The following AK9 variants were observed in gnomAD, a reference collection of about 807,000 sequenced individuals.
AK9 encodes adenylate kinase domain containing 1.
AK9 carries 191 observed loss-of-function variants against 239.6 expected under a neutral mutation model. The ratio of observed to expected loss-of-function variants is 0.80; its 90% CI spans 0.71 to 0.90. AK9 has a LOEUF of 0.90. Ranked by LOEUF, AK9 falls within the 40% of genes least tolerant of loss-of-function variation. AK9 has a pLI of 0.00. For missense variants in AK9, 1,995 were observed against 2,214.7 expected, an observed-to-expected ratio of 0.90 and a Z score of 1.99; for synonymous variants, 689 against 721.0, an observed-to-expected ratio of 0.96 and a Z score of 0.71.
chr6:109,495,414 T>TTC lies in AK9; in HGVS notation c.5340_5341dup (p.Lys1781ArgfsTer10), dbSNP rs1201247780. 4 of 1,613,540 alleles carry TTC rather than the reference T, an allele frequency of 2.5e-6. No individual in the cohort carries two copies. The African/African-American group carries it at 5.3e-5, about 22-fold the overall frequency. The stretch of plus-strand genomic sequence containing the variant: ...TAATGGGGGAAGCTTGTGTGGAAGC[T>TTC]TCTGTTCCCAGTATTTCAGTGGCGA... On this transcript the variant is annotated frameshift_variant, in exon 39 of 41. Coordinates refer to ENST00000424296, the MANE Select transcript of AK9 (RefSeq NM_001145128.3). LOFTEE classifies it high-confidence loss of function.
chr6:109,634,272 C>T (rs1311908378), intron 10 of AK9, among the ~76,000 whole-genome samples: 1 of 152,200 alleles, frequency 6.6e-6, no homozygotes, highest in Non-Finnish European at 1.5e-5. Context: ...CTCTTGCACT[C>T]TTTTGTTCTT....
chr6:109,504,452 C>A (rs1582744450), intron 35 of AK9, among the ~76,000 whole-genome samples: 2 of 152,114 alleles, frequency 1.3e-5, no homozygotes, highest in Non-Finnish European at 2.9e-5. Flanking sequence ...TATGAGTATA[C>A]CCTATGCAAT....
chr6:109,584,548 A>G (rs1455701772), intron 19 of AK9, among the ~76,000 whole-genome samples: 1 of 152,146 alleles, frequency 6.6e-6, no homozygotes, highest in East Asian at 1.9e-4. Flanking sequence ...TTCAATCTGA[A>G]GGACTTATAG....
At position 109,644,598 on chromosome 6, in the gene AK9, T is replaced by C; in HGVS notation, c.834+16A>G. ...TTTCCATGCTGTGAAGTATTCCTGC[T>C]TAACACTGCACTCACCATAAAGAGC... is the stretch of plus-strand genomic sequence containing the variant. On this transcript the variant is annotated intron_variant, in intron 9 of 40. Transcript: ENST00000424296. 2 of 1,589,808 alleles carry C rather than the reference T, an allele frequency of 1.3e-6. No individual in the cohort carries two copies. Among genetic ancestry groups the C allele is most frequent in the Non-Finnish European group, 1.7e-6 (2 of 1,170,062 alleles).
intron 17 of AK9, among the ~76,000 whole-genome samples, chr6:109,608,182 G>A (rs1308766944): frequency 6.6e-6 from 1 of 151,802 alleles, no homozygotes; most frequent in African/African-American, 2.4e-5. Flanking sequence ...AGGAGTCTGA[G>A]GCAAGAGAAT....
chr6:109,578,034 T>C (rs1219488433), intron 20 of AK9, among the ~76,000 whole-genome samples: 2 of 151,668 alleles, frequency 1.3e-5, no homozygotes, highest in East Asian at 3.9e-4. Flanking sequence ...CAGGTTCAAG[T>C]GATTCTCCTG....
chr6:109,546,237 G>T, intron 25 of AK9, 110 bp from the exon 26 acceptor site: 1 of 974,320 alleles, frequency 1.0e-6, no homozygotes, highest in Admixed American at 2.6e-5. Flanking sequence ...CCCTAAGATG[G>T]GGTAGGAATG....
intron 8 of AK9, among the ~76,000 whole-genome samples, chr6:109,645,241 A>G (rs2128292900): frequency 6.6e-6 from 1 of 152,290 alleles, no homozygotes; most frequent in South Asian, 2.1e-4. Context: ...GGGCGAGCCG[A>G]AGCAGGGCAG....
intron 15 of AK9, among the ~76,000 whole-genome samples, chr6:109,613,086 T>A (rs958229940): frequency 6.6e-6 from 1 of 150,514 alleles, no homozygotes; most frequent in East Asian, 1.9e-4. Flanking sequence ...ATAATAATAA[T>A]CTATCCTCTC....
chr6:109,655,109 G>A (rs1412110007), intron 8 of AK9, among the ~76,000 whole-genome samples: 1 of 152,194 alleles, frequency 6.6e-6, no homozygotes, highest in Non-Finnish European at 1.5e-5. Context: ...GGGCCTAGAA[G>A]TTTTCTACTT....
chr6:109,617,414 A>C lies in AK9; in HGVS notation c.1399+1678T>G, dbSNP rs1234824847. Among the ~76,000 whole-genome samples, 4 of 151,216 alleles carry C rather than the reference A, an allele frequency of 2.6e-5. No homozygotes were observed. In the East Asian group the frequency reaches 7.8e-4, roughly 30 times the overall value. ...GATTTATATTATCACAAGAGTAAAAATGTATCATAAAGCTTTGATAATTAC... is the reference window on the plus strand; with the variant it reads ...GATTTATATTATCACAAGAGTAAAACTGTATCATAAAGCTTTGATAATTAC... On this transcript the variant is annotated intron_variant, in intron 13 of 40. Transcript: ENST00000424296.
chr6:109,520,526 AG>A (rs886408392), intron 29 of AK9, among the ~76,000 whole-genome samples: 1 of 152,014 alleles, frequency 6.6e-6, no homozygotes, highest in African/African-American at 2.4e-5. Flanking sequence ...CTGTAATCTA[AG>A]AGTATAAAAT....
At chr6:109,558,955 G>A (rs780474863) in intron 24 of AK9, among the ~76,000 whole-genome samples, 10 of 151,004 alleles carry the variant, frequency 6.6e-5, no homozygotes, top group African/African-American at 1.7e-4. Flanking sequence ...AAGATCAAAC[G>A]ATTTTCGTGT....
At chr6:109,643,548 A>T (rs10872052) in intron 9 of AK9, among the ~76,000 whole-genome samples, 2 of 151,940 alleles carry the variant, frequency 1.3e-5, no homozygotes, top group African/African-American at 4.8e-5. Flanking sequence ...ATTCTCCTTT[A>T]GTTTTTTTCC....
chr6:109,621,855 C>A (rs1794852424), intron 12 of AK9, among the ~76,000 whole-genome samples: 1 of 110,348 alleles, frequency 9.1e-6, no homozygotes, highest in Non-Finnish European at 1.7e-5. Context: ...AACTAACCTG[C>A]ACAATGTGCA....
chr6:109,509,074 C>G, intron 33 of AK9, 105 bp downstream of exon 33: 1 of 1,181,180 alleles, frequency 8.5e-7, no homozygotes, highest in South Asian at 1.6e-5. Flanking sequence ...AGATCACACC[C>G]TTTATAAGAG....
intron 24 of AK9, among the ~76,000 whole-genome samples, chr6:109,560,728 T>TCC (rs1785647185): frequency 6.6e-6 from 1 of 152,192 alleles, no homozygotes. Flanking sequence ...AGTTTGTTTT[T>TCC]CTTTCCTTGC....
At chr6:109,611,860 A>G (rs554220337) in intron 16 of AK9, 150 bp downstream of exon 16, 12 of 594,052 alleles carry the variant, frequency 2.0e-5, no homozygotes, top group Non-Finnish European at 3.5e-5. Flanking sequence ...AACATAATAG[A>G]GTAGCCATTA....
chr6:109,523,807 A>G (rs551403687), intron 29 of AK9, among the ~76,000 whole-genome samples: 67 of 152,286 alleles, frequency 4.4e-4, no homozygotes, highest in African/African-American at 1.6e-3. Flanking sequence ...TGGGCGGTTC[A>G]AGAACAGTAT....
Sources: gnomAD v4.1 joint callset for allele counts (sites outside exome capture counted in the v4.1 genomes callset) on GRCh38, gnomAD v4.1.1 for gene constraint, MANE v1.5 for transcripts, NCBI Gene and HGNC (gene_info 2026-07-23, HGNC 2026-07-21) for gene names.